The following NT5C2 variants were observed in gnomAD, a reference collection of about 807,000 sequenced individuals.
NT5C2 encodes 5'-nucleotidase, cytosolic II.
NT5C2 carries 58 observed loss-of-function variants against 76.1 expected under a neutral mutation model. The ratio of observed to expected loss-of-function variants is 0.76; its 90% CI spans 0.62 to 0.95. NT5C2 has a LOEUF of 0.95. NT5C2 is among the 40% of genes least tolerant of loss of function. NT5C2 has a pLI of 0.00. For synonymous variants in NT5C2, 229 were observed against 237.4 expected, an observed-to-expected ratio of 0.96 and a Z score of 0.32; for missense variants, 478 against 690.3, an observed-to-expected ratio of 0.69 and a Z score of 3.45.
At chr10:103,100,734 G>T (rs1276759739) in intron 8 of NT5C2, 2 of 543,182 alleles carry the variant, frequency 3.7e-6, no homozygotes, top group Admixed American at 4.4e-5. Flanking sequence ...TGCTTGGACA[G>T]ATAATCATCA....
At position 103,163,871 on chromosome 10, in the gene NT5C2, C is replaced by CA. The variant is rs772272272; in HGVS notation, c.101+10986dup. On this transcript the variant is annotated intron_variant, in intron 3 of 18. Transcript: ENST00000404739. ...CTCTACTAAAAATACAAAAAAAAAA[C>CA]AAAAAAAAAAAAACCTGGTGGCACA... Among the ~76,000 whole-genome samples, 256 of 59,216 alleles carry CA rather than the reference C, an allele frequency of 4.3e-3. 1 individual carries two copies. The highest frequency in any genetic ancestry group is 0.037 in the South Asian group (68 of 1,814). 38.8% of individuals were successfully genotyped at this position (59,216 alleles called of 152,430 possible). A position where few individuals can be genotyped will look rare whatever the true frequency, so the allele number is the denominator to read the frequency against.
chr10:103,192,864 A>G (rs1311873545), intron 1 of NT5C2, among the ~76,000 whole-genome samples: 2 of 152,064 alleles, frequency 1.3e-5, no homozygotes, highest in Admixed American at 6.6e-5. Flanking sequence ...CAGCGTGAGG[A>G]AAGGGGGGAA....
At chr10:103,158,006 G>C (rs1347122345) in intron 3 of NT5C2, among the ~76,000 whole-genome samples, 1 of 151,932 alleles carries the variant, frequency 6.6e-6, no homozygotes, top group East Asian at 1.9e-4. Flanking sequence ...CCGGGAGGTG[G>C]AGGATGCAGT....
chr10:103,129,678 G>A (rs1646095719), intron 4 of NT5C2, among the ~76,000 whole-genome samples: 1 of 79,930 alleles, frequency 1.3e-5, no homozygotes, highest in African/African-American at 5.1e-5. Flanking sequence ...GGTGAGGGGC[G>A]CCTCTGCCCG....
intron 4 of NT5C2, chr10:103,111,847 A>C: frequency 3.4e-6 from 4 of 1,178,336 alleles, no homozygotes; most frequent in Non-Finnish European, 3.2e-6. Context: ...CAAAAACAAA[A>C]ACAAAAGCTG....
intron 3 of NT5C2, among the ~76,000 whole-genome samples, chr10:103,160,822 G>A (rs2084673011): frequency 6.6e-6 from 1 of 152,182 alleles, no homozygotes; most frequent in Non-Finnish European, 1.5e-5. Context: ...AGACCATCCT[G>A]ACCAACATGG....
intron 3 of NT5C2, among the ~76,000 whole-genome samples, chr10:103,168,251 A>G (rs768302154): frequency 2.0e-5 from 3 of 152,222 alleles, no homozygotes; most frequent in South Asian, 2.1e-4. Context: ...AACGTGCCAC[A>G]TTTCAGTTCA....
chr10:103,130,747 A>C lies in NT5C2; in HGVS notation c.175+8659T>G, dbSNP rs183978372. The stretch of plus-strand genomic sequence containing the variant: ...TAATTATTTACCACTAATTCTATCA[A>C]CTCCAGCATTTAACATAAAAAACAG... On this transcript the variant is annotated intron_variant, in intron 4 of 18. Coordinates refer to ENST00000404739, the MANE Select transcript of NT5C2 (RefSeq NM_001351169.2). Among the ~76,000 whole-genome samples the C allele has an allele frequency of 2.0e-4, 31 of 151,950 alleles. 1 individual carries two copies. Among genetic ancestry groups the C allele is most frequent in the Admixed American group, 2.0e-3 (30 of 15,266 alleles).
intron 1 of NT5C2, among the ~76,000 whole-genome samples, chr10:103,183,262 GATATATATATATAT>G (rs201371414): frequency 0.047 from 3,454 of 73,368 alleles, 225 homozygotes; most frequent in Admixed American, 0.22. Context: ...GTGTGTGTGT[GATATATATATATAT>G]ATATATATAT....
intron 4 of NT5C2, among the ~76,000 whole-genome samples, chr10:103,123,855 GAAAA>G (rs201368291): frequency 1.1e-4 from 16 of 149,684 alleles, no homozygotes; most frequent in African/African-American, 3.7e-4. Context: ...ATTGGGGGGG[GAAAA>G]AAAAAGTCAT....
intron 4 of NT5C2, among the ~76,000 whole-genome samples, chr10:103,115,712 ACTGGGATACAG>A (rs913285265): frequency 7.2e-5 from 11 of 152,296 alleles, no homozygotes; most frequent in Admixed American, 7.2e-4. Context: ...GAAAACTTTA[ACTGGGATACAG>A]ACTTGACATA....
At chr10:103,108,348 T>C (rs1256982921) in intron 4 of NT5C2, among the ~76,000 whole-genome samples, 1 of 152,198 alleles carries the variant, frequency 6.6e-6, no homozygotes. Context: ...TGTAATCTCA[T>C]AATAATGCAA....
intron 15 of NT5C2, among the ~76,000 whole-genome samples, 168 bp from the exon 16 acceptor site, chr10:103,091,783 T>C (rs2066967968): frequency 6.6e-6 from 1 of 152,230 alleles, no homozygotes; most frequent in Non-Finnish European, 1.5e-5. Flanking sequence ...AACTCACTGA[T>C]ACCTGCTTGG....
In NT5C2 at chr10:103,169,873, T is replaced by C. The variant is rs193209788; in HGVS notation, c.101+4985A>G. Among the ~76,000 whole-genome samples the C allele has an allele frequency of 3.6e-3, 544 of 152,250 alleles. 6 individuals carry two copies. The highest frequency in any genetic ancestry group is 6.2e-4 in the Non-Finnish European group (42 of 68,014). ...TAGGCATGGTGGCTCACGCCTGTAA[T>C]CCCAGAACTTTGGGAGGCTGAGGCA... On this transcript the variant is annotated intron_variant, in intron 3 of 18. Transcript: ENST00000404739.
chr10:103,097,977 G>C (rs1165433545), intron 10 of NT5C2: 1 of 514,020 alleles, frequency 1.9e-6, no homozygotes, highest in East Asian at 5.8e-5. Flanking sequence ...TCCCCATTCA[G>C]TGTTCTTTCT....
At chr10:103,100,534 G>A (rs990094690) in intron 8 of NT5C2, 1 of 384,672 alleles carries the variant, frequency 2.6e-6, no homozygotes, top group East Asian at 7.2e-5. Flanking sequence ...TTCAGTATTG[G>A]CTATATAATT....
chr10:103,105,383 TG>T, intron 6 of NT5C2: 1 of 958,772 alleles, frequency 1.0e-6, no homozygotes, highest in Non-Finnish European at 1.4e-6. Flanking sequence ...ACCTGAGAAC[TG>T]TATTAGAAAG....
chr10:103,092,430 C>T (rs184784010), intron 15 of NT5C2, among the ~76,000 whole-genome samples: 1 of 152,308 alleles, frequency 6.6e-6, no homozygotes, highest in East Asian at 1.9e-4. Flanking sequence ...CCCATTTTTA[C>T]ATTTGAGGAA....
intron 4 of NT5C2, among the ~76,000 whole-genome samples, chr10:103,107,780 G>C (rs1226234079): frequency 2.0e-5 from 3 of 152,034 alleles, no homozygotes; most frequent in African/African-American, 7.2e-5. Context: ...GGCAATGAGG[G>C]GTTCTCTCTC....
Sources: gnomAD v4.1 joint callset for allele counts (sites outside exome capture counted in the v4.1 genomes callset) on GRCh38, gnomAD v4.1.1 for gene constraint, MANE v1.5 for transcripts, NCBI Gene and HGNC (gene_info 2026-07-23, HGNC 2026-07-21) for gene names.